The following PSAP variants were observed in gnomAD, a reference collection of about 807,000 sequenced individuals.
PSAP encodes precursor of saposins.
Under a neutral mutation model 66.0 loss-of-function variants are expected in PSAP, and 25 were observed. That is an observed-to-expected ratio of 0.38 (90% CI 0.28 to 0.53). PSAP has a LOEUF of 0.53. Among genes scored for constraint, PSAP ranks in the 20% least tolerant of loss-of-function variants. The pLI, the probability that PSAP is intolerant of heterozygous loss-of-function variation, is 0.83. For missense variants in PSAP, 649 were observed against 668.8 expected, an observed-to-expected ratio of 0.97 and a Z score of 0.33; for synonymous variants, 273 against 258.9, an observed-to-expected ratio of 1.05 and a Z score of -0.52.
chr10:71,822,252 CAG>C (rs555981229), intron 7 of PSAP: 320 of 554,774 alleles, frequency 5.8e-4, no homozygotes, highest in African/African-American at 5.4e-3. Context: ...GAACATCAAA[CAG>C]AGTCTCCATC....
chr10:71,821,807 G>T, intron 8 of PSAP, 69 bp downstream of exon 8: 2 of 1,602,718 alleles, frequency 1.2e-6, no homozygotes, highest in East Asian at 4.5e-5. Flanking sequence ...CGTAAGATGT[G>T]ATGTGACACA....
At chr10:71,850,265 GCTCT>G (rs138033871) in intron 1 of PSAP, among the ~76,000 whole-genome samples, 2,670 of 152,218 alleles carry the variant, frequency 0.018, 76 homozygotes, top group African/African-American at 0.06. Context: ...CAACGTGCTC[GCTCT>G]CTTAGTCGGC....
At chr10:71,818,798 A>T in intron 12 of PSAP, 74 bp from the exon 13 acceptor site, 1 of 1,320,390 alleles carries the variant, frequency 7.6e-7, no homozygotes, top group East Asian at 2.3e-5. Flanking sequence ...AAAACTAAGA[A>T]AACAGTTTCC....
chr10:71,835,483 G>T (rs1348609621), intron 1 of PSAP, among the ~76,000 whole-genome samples: 2 of 151,920 alleles, frequency 1.3e-5, no homozygotes, highest in Non-Finnish European at 2.9e-5. Context: ...GAGGTGGGAG[G>T]ATAGCTTGAG....
chr10:71,834,383 T>C lies in PSAP; in HGVS notation c.163A>G (p.Lys55Glu). 1 of 1,613,862 alleles carries C rather than the reference T, an allele frequency of 6.2e-7. No homozygotes were observed. Among genetic ancestry groups the C allele is most frequent in the Non-Finnish European group, 8.5e-7 (1 of 1,180,026 alleles). Residue 55 changes from lysine (K) to glutamate (E), a missense_variant, in exon 2 of 14, where the codon AAG becomes GAG. Physicochemically the swap from Lys to Glu is moderately conservative, Grantham distance 56. Transcript: ENST00000394936. ...VKHCLQTVWN[K>E]PTVKSLPCDI... ...GCAGCGGCACTCACCACTGTTGGCT[T>C]GTTCCAAACGGTCTGCAGGCAGTGC...
At position 71,822,023 on chromosome 10, in the gene PSAP, A is replaced by G. The variant is rs374899852; in HGVS notation, c.778-16T>C. On this transcript the variant is annotated splice_polypyrimidine_tract_variant and intron_variant, in intron 7 of 13. Coordinates refer to ENST00000394936, the MANE Select transcript of PSAP (RefSeq NM_002778.4). The stretch of plus-strand genomic sequence containing the variant: ...CCTTGGGTTGCTGAAGAGAGCACAG[A>G]ACAACCAGTCAGCAGCAAGCCTACG... 5 of 1,613,992 alleles carry G rather than the reference A, an allele frequency of 3.1e-6. No individual in the cohort carries two copies. The highest frequency in any genetic ancestry group is 4.2e-6 in the Non-Finnish European group (5 of 1,179,988).
At chr10:71,833,234 G>A (rs565503119) in intron 2 of PSAP, among the ~76,000 whole-genome samples, 43 of 152,236 alleles carry the variant, frequency 2.8e-4, no homozygotes, top group African/African-American at 1.0e-3. Context: ...GAGGCAGGAG[G>A]ATGACCTTAG....
At chr10:71,838,648 AAGG>A (rs1589456571) in intron 1 of PSAP, among the ~76,000 whole-genome samples, 2 of 152,284 alleles carry the variant, frequency 1.3e-5, no homozygotes, top group East Asian at 3.9e-4. Context: ...CCCAGCTACC[AAGG>A]AGGCTGAGGT....
At chr10:71,844,643 G>GC (rs1842786487) in intron 1 of PSAP, 1 of 152,176 alleles carries the variant, frequency 6.6e-6, no homozygotes, top group East Asian at 1.9e-4. Context: ...TCCAGCCTGG[G>GC]CAACAGAGCA....
chr10:71,823,941 A>G (rs1237258416), intron 7 of PSAP: 2 of 1,276,636 alleles, frequency 1.6e-6, no homozygotes, highest in Admixed American at 4.6e-5. Flanking sequence ...AATAAGAGAA[A>G]GGAAAGGACA....
chr10:71,824,699 C>T (rs1277315009), intron 7 of PSAP, among the ~76,000 whole-genome samples: 6 of 152,178 alleles, frequency 3.9e-5, no homozygotes, highest in Non-Finnish European at 8.8e-5. Context: ...CTACAAAGTA[C>T]AAGGTAGTAT....
intron 1 of PSAP, among the ~76,000 whole-genome samples, chr10:71,849,903 C>T (rs567994932): frequency 2.6e-5 from 4 of 152,242 alleles, no homozygotes; most frequent in East Asian, 1.9e-4. Flanking sequence ...GAGAATTAAG[C>T]TCCGATTTTT....
rs2133035278 is a variant in PSAP, at chr10:71,821,951, G to A, written c.834C>T (p.Pro278=). 14 of 1,614,200 alleles carry A rather than the reference G, an allele frequency of 8.7e-6. No individual in the cohort carries two copies. The highest frequency in any genetic ancestry group is 1.1e-5 in the Non-Finnish European group (13 of 1,180,038). ...VGFCDEVKEM[P]MQTLVPAKVA... ...CTTTGGCGGGGACCAGAGTCTGCAT[G>A]GGCATCTCTTTCACCTCATCACAGA... The change falls in exon 8 of 14, where the codon CCC becomes CCT. Residue 278 remains proline (P), a synonymous_variant. Coordinates refer to ENST00000394936, the MANE Select transcript of PSAP (RefSeq NM_002778.4).
At chr10:71,849,627 A>C (rs1842887773) in intron 1 of PSAP, among the ~76,000 whole-genome samples, 1 of 146,358 alleles carries the variant, frequency 6.8e-6, no homozygotes, top group South Asian at 2.1e-4. Flanking sequence ...AACAAACAAA[A>C]CAAACAAACA....
intron 1 of PSAP, among the ~76,000 whole-genome samples, chr10:71,850,135 G>C (rs535383951): frequency 6.6e-6 from 1 of 152,088 alleles, no homozygotes; most frequent in South Asian, 2.1e-4. Flanking sequence ...GTCTCTTGTG[G>C]GAAAAATCCA....
Position 71,819,071 on chromosome 10 carries a change from T to A in PSAP, c.1391A>T (p.Glu464Val), listed in dbSNP as rs1431204825. 1 of 1,614,148 alleles carries A rather than the reference T, an allele frequency of 6.2e-7. No homozygotes were observed. Among genetic ancestry groups the A allele is most frequent in the Admixed American group, 1.7e-5 (1 of 60,024 alleles). The change falls in exon 12 of 14, where the codon GAG becomes GTG. Residue 464 changes from glutamate (E) to valine (V), a missense_variant. Coordinates refer to ENST00000394936, the MANE Select transcript of PSAP (RefSeq NM_002778.4). ...AGGATCCATCACCTCCACCAGGATCTCGATCAGCACGGGCTCGTACTCTGC... is the reference window on the plus strand; with the variant it reads ...AGGATCCATCACCTCCACCAGGATCACGATCAGCACGGGCTCGTACTCTGC... ...FVAEYEPVLI[E>V]ILVEVMDPSF...
intron 4 of PSAP, 67 bp from the exon 5 acceptor site, chr10:71,829,144 G>A (rs1589451537): frequency 1.4e-6 from 2 of 1,446,740 alleles, no homozygotes; most frequent in East Asian, 4.5e-5. Flanking sequence ...AGGCCATCTA[G>A]TGCCTCTGAA....
Position 71,819,554 on chromosome 10 carries a change from G to A in PSAP, c.1261C>T (p.Arg421Cys), listed in dbSNP as rs529719024. The A allele has an allele frequency of 9.3e-6, 15 of 1,614,184 alleles. No homozygotes were observed. Among genetic ancestry groups the A allele is most frequent in the South Asian group, 6.6e-5 (6 of 91,080 alleles). The change falls in exon 11 of 14, where the codon CGC becomes TGC. Residue 421 changes from arginine (R) to cysteine (C), a missense_variant. By Grantham distance (180) the Arg-to-Cys change is radical. Coordinates refer to ENST00000394936, the MANE Select transcript of PSAP (RefSeq NM_002778.4). ...VCKKLVGYLD[R>C]NLEKNSTKQE... is the part of the protein sequence containing the mutation. ...TTGGTGCTGTTTTTCTCCAGGTTGC[G>A]ATCCAAATAACCCACCAGCTTCTTG...
chr10:71,819,875 T>G lies in PSAP; in HGVS notation c.1031A>C (p.Lys344Thr), dbSNP rs1362854624. 2 of 1,613,984 alleles carry G rather than the reference T, an allele frequency of 1.2e-6. No homozygotes were observed. The highest frequency in any genetic ancestry group is 3.3e-5 in the Admixed American group (2 of 60,002). The change falls in exon 10 of 14, where the codon AAA (lysine) becomes ACA (threonine). Residue 344 changes from lysine (K) to threonine (T), a missense_variant. Lys to Thr is a moderately conservative substitution (Grantham distance 78, BLOSUM62 -1). Transcript: ENST00000394936. The stretch of plus-strand genomic sequence containing the variant: ...GGACTTCGGCAGCTTCGAGCACATT[T>G]TGTCAAAAGCGTCGAGTATTTCTTT... ...TEKEILDAFD[K>T]MCSKLPKSLS...
Sources: gnomAD v4.1 joint callset for allele counts (sites outside exome capture counted in the v4.1 genomes callset) on GRCh38, gnomAD v4.1.1 for gene constraint, MANE v1.5 for transcripts, NCBI Gene and HGNC (gene_info 2026-07-23, HGNC 2026-07-21) for gene names.